Variants in TPR observed in about 807,000 individuals in gnomAD.
The protein encoded by TPR is nucleoprotein TPR.
A neutral mutation model predicts 316.1 loss-of-function variants in TPR; 51 were observed. That is an observed-to-expected ratio of 0.16 (90% CI 0.13 to 0.20). TPR has a LOEUF of 0.20. TPR is among the 10% of genes least tolerant of loss of function. The pLI, the probability that TPR is intolerant of heterozygous loss-of-function variation, is 1.00. For missense variants in TPR, 2,272 were observed against 2,754.8 expected, an observed-to-expected ratio of 0.82 and a Z score of 3.92; for synonymous variants, 981 against 914.7, an observed-to-expected ratio of 1.07 and a Z score of -1.31.
chr1:186,354,144 T>C (rs1658953116), intron 17 of TPR, among the ~76,000 whole-genome samples: 2 of 152,310 alleles, frequency 1.3e-5, no homozygotes, highest in South Asian at 4.1e-4. Context: ...CTTTTTTTTT[T>C]CTAAATGGGA....
chr1:186,360,222 T>C, intron 11 of TPR, 51 bp downstream of exon 11: 3 of 1,568,456 alleles, frequency 1.9e-6, no homozygotes, highest in Non-Finnish European at 2.6e-6. Flanking sequence ...AAGAGATTTG[T>C]ATACATTTGC....
intron 3 of TPR, among the ~76,000 whole-genome samples, chr1:186,370,117 A>G (rs1270133909): frequency 6.6e-6 from 1 of 152,158 alleles, no homozygotes; most frequent in Non-Finnish European, 1.5e-5. Context: ...CCATAGCTTT[A>G]TAAAACTTGA....
Position 186,320,303 on chromosome 1 carries a change from A to C in TPR, c.6568+9T>G, listed in dbSNP as rs1657742139. On this transcript the variant is annotated intron_variant, in intron 46 of 50. Coordinates refer to ENST00000367478, the MANE Select transcript of TPR (RefSeq NM_003292.3). ...CAAATTCAGGGGATCTAAAGGTTTA[A>C]CTATTTACCTCCTTGAGAAGCAAGC... 1.2e-6 allele frequency: 2 copies of C among 1,601,726 alleles called. No individual in the cohort carries two copies. Among genetic ancestry groups the C allele is most frequent in the Non-Finnish European group, 1.7e-6 (2 of 1,173,346 alleles).
chr1:186,323,834 GA>G lies in TPR; in HGVS notation c.6148del (p.Ser2050LeufsTer36). On this transcript the variant is annotated frameshift_variant, in exon 43 of 51. Coordinates refer to ENST00000367478, the MANE Select transcript of TPR (RefSeq NM_003292.3). LOFTEE classifies it high-confidence loss of function. ...GNTGAAESSF[S>X]QEVSREQQPS... is the part of the protein sequence containing the mutation. The stretch of plus-strand genomic sequence containing the variant: ...CTGTTGTTCTCTAGAAACCTCCTGA[GA>G]AAAAGAAGATTCTGCAGCACCTGTA... The G allele has an allele frequency of 6.5e-7, 1 of 1,549,434 alleles. No homozygotes were observed. Among genetic ancestry groups the G allele is most frequent in the Non-Finnish European group, 8.6e-7 (1 of 1,157,164 alleles).
Position 186,326,194 on chromosome 1 carries a change from ATCT to A in TPR, c.5928_5930del (p.Glu1976del). ...CACCCTCATCTCCCATCCCTGTGTC[ATCT>A]TCATCATCATCATCATCTTCCTCAT... On this transcript the variant is annotated inframe_deletion, in exon 41 of 51. Transcript: ENST00000367478. The A allele has an allele frequency of 6.2e-7, 1 of 1,610,760 alleles. No homozygotes were observed. Among genetic ancestry groups the A allele is most frequent in the Non-Finnish European group, 8.5e-7 (1 of 1,177,366 alleles).
chr1:186,353,745 A>G lies in TPR; in HGVS notation c.2277T>C (p.Ile759=). ...LTATTQKQEQ[I]INTMTQDLRG... The stretch of plus-strand genomic sequence containing the variant: ...TCAAATCTTGAGTCATCGTATTGAT[A>G]ATCTGTTCTTGCTTTTGAGTTGTGG... Residue 759 remains isoleucine (I), a synonymous_variant, in exon 18 of 51, where the codon ATT becomes ATC. Transcript: ENST00000367478. 6.2e-7 allele frequency: 1 copy of G among 1,614,076 alleles called. No individual in the cohort carries two copies. Among genetic ancestry groups the G allele is most frequent in the Admixed American group, 1.7e-5 (1 of 60,018 alleles).
intron 22 of TPR, 148 bp from the exon 23 acceptor site, chr1:186,346,435 G>A (rs1658678414): frequency 1.2e-6 from 1 of 810,618 alleles, no homozygotes; most frequent in African/African-American, 1.7e-5. Context: ...GTGATTAGAA[G>A]ATTCAACAAC....
intron 15 of TPR, 109 bp downstream of exon 15, chr1:186,356,177 G>T: frequency 1.0e-6 from 1 of 957,788 alleles, no homozygotes; most frequent in Non-Finnish European, 1.5e-6. Flanking sequence ...ATATATGGTA[G>T]TCAAATTTGA....
Position 186,327,441 on chromosome 1 carries a change from G to T in TPR, c.5889+19C>A. The T allele has an allele frequency of 6.2e-7, 1 of 1,605,004 alleles. No individual in the cohort carries two copies. The highest frequency in any genetic ancestry group is 8.5e-7 in the Non-Finnish European group (1 of 1,178,610). ...ATCCAATAGTTTAAAAACACTAGATGATTTCAAATCAAACTTACCTCATGT... is the reference window on the plus strand; with the variant it reads ...ATCCAATAGTTTAAAAACACTAGATTATTTCAAATCAAACTTACCTCATGT... On this transcript the variant is annotated intron_variant, in intron 40 of 50. Coordinates refer to ENST00000367478, the MANE Select transcript of TPR (RefSeq NM_003292.3).
Position 186,363,400 on chromosome 1 carries a change from G to C in TPR, c.473C>G (p.Thr158Arg), listed in dbSNP as rs750421827. ...LNEKLKESNT[T>R]KGELQLKLDE... is the part of the protein sequence containing the mutation. ...CAATTTTAACTGAAGTTCACCCTTT[G>C]TTGTATTGCTTTCTTTAAGTTTTTC... Residue 158 changes from threonine to arginine, a missense_variant, in exon 5 of 51, where the codon ACA (threonine) becomes AGA (arginine). Thr to Arg is a moderately conservative substitution (Grantham distance 71, BLOSUM62 -1). Around this residue, in one of 10 missense-constraint regions of TPR, gnomAD observed 549 missense variants for 598.6 expected, o/e 0.92. Transcript: ENST00000367478. 1.2e-6 allele frequency: 2 copies of C among 1,612,614 alleles called. No individual in the cohort carries two copies. The highest frequency in any genetic ancestry group is 1.1e-5 in the South Asian group (1 of 91,026).
intron 14 of TPR, among the ~76,000 whole-genome samples, chr1:186,356,715 T>G (rs1344936386): frequency 6.6e-6 from 1 of 152,198 alleles, no homozygotes; most frequent in African/African-American, 2.4e-5. Context: ...CTAGTCTTCT[T>G]GCTTTCTTAG....
chr1:186,330,475 C>T (rs1658125833), intron 39 of TPR, among the ~76,000 whole-genome samples: 1 of 152,076 alleles, frequency 6.6e-6, no homozygotes, highest in Admixed American at 6.6e-5. Context: ...CGTAAAGAGC[C>T]AAATTCCAGC....
intron 12 of TPR, among the ~76,000 whole-genome samples, chr1:186,358,991 G>GA (rs1184081091): frequency 6.6e-6 from 1 of 151,884 alleles, no homozygotes; most frequent in Admixed American, 6.6e-5. Context: ...TGATGAAGAA[G>GA]AAAAAAACCA....
chr1:186,347,249 C>T, intron 22 of TPR, 43 bp downstream of exon 22: 1 of 1,598,228 alleles, frequency 6.3e-7, no homozygotes, highest in Non-Finnish European at 8.5e-7. Flanking sequence ...ACAAAGTTAA[C>T]AAATGTGTTG....
At chr1:186,346,051 AACT>A in intron 23 of TPR, 81 bp downstream of exon 23, 1 of 1,444,742 alleles carries the variant, frequency 6.9e-7, no homozygotes, top group African/African-American at 1.4e-5. Context: ...TGTTGAGATG[AACT>A]AAATGGCAAC....
In TPR at chr1:186,313,954, T is replaced by C. The variant is rs1360015256; in HGVS notation, c.*17A>G. ...ATTTGATAATCTTATTCACAGTTGT[T>C]ATTGTTTACAGACCATTTAATTAAT... On this transcript the variant is annotated 3_prime_UTR_variant, in exon 51 of 51. Coordinates refer to ENST00000367478, the MANE Select transcript of TPR (RefSeq NM_003292.3). 1.2e-6 allele frequency: 2 copies of C among 1,610,160 alleles called. No individual in the cohort carries two copies. Among genetic ancestry groups the C allele is most frequent in the Non-Finnish European group, 1.7e-6 (2 of 1,177,518 alleles).
chr1:186,313,028 A>T lies in TPR; in HGVS notation c.*943T>A. 5.2e-6 allele frequency: 5 copies of T among 966,418 alleles called. No homozygotes were observed. The South Asian group carries it at 6.9e-5, about 13-fold the overall frequency. The allele number at this position is 966,418 out of a possible 1,614,324, so 59.9% of individuals were successfully genotyped here. On this transcript the variant is annotated 3_prime_UTR_variant, in exon 51 of 51. Transcript: ENST00000367478. ...ACGGTACTTATTCTAATTGCTGTGGAAAAGAGTTAAGACTTTTGCTTTAAT... is the reference window on the plus strand; with the variant it reads ...ACGGTACTTATTCTAATTGCTGTGGTAAAGAGTTAAGACTTTTGCTTTAAT...
intron 40 of TPR, 58 bp downstream of exon 40, chr1:186,327,402 A>T: frequency 6.4e-7 from 1 of 1,562,896 alleles, no homozygotes; most frequent in South Asian, 1.1e-5. Context: ...TATCCCAAGG[A>T]TTTGAGCACT....
In TPR at chr1:186,313,956, T is replaced by C. The variant is rs527426560; in HGVS notation, c.*15A>G. Reference sequence around the variant, plus strand: ...TTGATAATCTTATTCACAGTTGTTATTGTTTACAGACCATTTAATTAATAT... The same window carrying C: ...TTGATAATCTTATTCACAGTTGTTACTGTTTACAGACCATTTAATTAATAT... On this transcript the variant is annotated 3_prime_UTR_variant, in exon 51 of 51. Coordinates refer to ENST00000367478, the MANE Select transcript of TPR (RefSeq NM_003292.3). 9.9e-6 allele frequency: 16 copies of C among 1,610,360 alleles called. No individual in the cohort carries two copies. The highest frequency in any genetic ancestry group is 3.3e-5 in the South Asian group (3 of 90,914).
Sources: gnomAD v4.1 joint callset for allele counts (sites outside exome capture counted in the v4.1 genomes callset) on GRCh38, gnomAD v4.1.1 for gene constraint, gnomAD v4.1.1 regional missense constraint, MANE v1.5 for transcripts, NCBI Gene and HGNC (gene_info 2026-07-23, HGNC 2026-07-21) for gene names.